TBX20: variants seen among roughly 807,000 people sequenced by gnomAD.
The protein encoded by TBX20 is T-box transcription factor TBX20.
In TBX20, 8 loss-of-function variants were observed where a neutral mutation model predicts 42.9. That is an observed-to-expected ratio of 0.19 (90% CI 0.11 to 0.34). The LOEUF (loss-of-function observed/expected upper bound fraction) is 0.34, where lower values mean the gene tolerates loss of function less well. Ranked by LOEUF, TBX20 falls within the 10% of genes least tolerant of loss-of-function variation. TBX20 has a pLI of 1.00. For missense variants in TBX20, 411 were observed against 566.0 expected, an observed-to-expected ratio of 0.73 and a Z score of 2.78; for synonymous variants, 198 against 222.8, an observed-to-expected ratio of 0.89 and a Z score of 0.99.
intron 4 of TBX20, among the ~76,000 whole-genome samples, chr7:35,242,440 A>G (rs912344798): frequency 3.3e-5 from 5 of 152,224 alleles, no homozygotes; most frequent in Non-Finnish European, 7.3e-5. Context: ...ATTGATCCTC[A>G]GCCAAATACT....
At chr7:35,242,532 T>C (rs1238041515) in intron 4 of TBX20, among the ~76,000 whole-genome samples, 1 of 152,204 alleles carries the variant, frequency 6.6e-6, no homozygotes, top group Non-Finnish European at 1.5e-5. Flanking sequence ...CATCATATAT[T>C]CTACTGGGAA....
At chr7:35,212,444 G>C (rs1789512589) in intron 6 of TBX20, among the ~76,000 whole-genome samples, 1 of 152,058 alleles carries the variant, frequency 6.6e-6, no homozygotes, top group Non-Finnish European at 1.5e-5. Flanking sequence ...TTGCATTCCT[G>C]GTAATCTTTA....
At chr7:35,233,395 T>C (rs1162440490) in intron 5 of TBX20, among the ~76,000 whole-genome samples, 2 of 152,176 alleles carry the variant, frequency 1.3e-5, no homozygotes, top group Admixed American at 6.5e-5. Context: ...TAGAAGAAAA[T>C]AGCTATGCTA....
At chr7:35,210,444 A>G (rs1789477804) in intron 6 of TBX20, among the ~76,000 whole-genome samples, 1 of 152,124 alleles carries the variant, frequency 6.6e-6, no homozygotes, top group African/African-American at 2.4e-5. Flanking sequence ...CTAAACATCA[A>G]TTGGGTCAAG....
chr7:35,220,116 A>G (rs938667353), intron 6 of TBX20, among the ~76,000 whole-genome samples: 1 of 152,188 alleles, frequency 6.6e-6, no homozygotes, highest in African/African-American at 2.4e-5. Flanking sequence ...ACAGGTAAGG[A>G]GTAAGGGCAG....
chr7:35,232,969 G>A (rs1789895828), intron 5 of TBX20, among the ~76,000 whole-genome samples: 1 of 152,326 alleles, frequency 6.6e-6, no homozygotes, highest in Non-Finnish European at 1.5e-5. Flanking sequence ...GCAGTGAGCC[G>A]AGATCGCGCC....
rs756376065 is a variant in TBX20, at chr7:35,253,552, G to A, written c.69C>T (p.Leu23=). The change falls in exon 1 of 8, where the codon CTC becomes CTT. Residue 23 remains leucine (L), a synonymous_variant. Coordinates refer to ENST00000408931, the MANE Select transcript of TBX20 (RefSeq NM_001077653.2). ...SRANAFSIAA[L]MSSGGSKEKE... ...TCTCCTTAGAGCCGCCGCTCGACAT[G>A]AGCGCGGCAATGGAGAAGGCGTTGG... 6.2e-7 allele frequency: 1 copy of A among 1,612,922 alleles called. No homozygotes were observed. Among genetic ancestry groups the A allele is most frequent in the Non-Finnish European group, 8.5e-7 (1 of 1,180,006 alleles).
rs755963486 is a variant in TBX20 at position 35,202,719 on chromosome 7, G to A, written c.1055C>T (p.Ser352Phe). The A allele has an allele frequency of 6.3e-6, 10 of 1,592,872 alleles. No individual in the cohort carries two copies. The highest frequency in any genetic ancestry group is 8.5e-6 in the Non-Finnish European group (10 of 1,169,642). ...DNLSLSSWVS[S>F]SSSFPGFQHP... is the part of the protein sequence containing the mutation. ...CTGAAACCCAGGAAAACTGGAAGAAGATGATACCCAGGAGCTGAGAGACAA... is the reference window on the plus strand; with the variant it reads ...CTGAAACCCAGGAAAACTGGAAGAAAATGATACCCAGGAGCTGAGAGACAA... Residue 352 changes from serine to phenylalanine, a missense_variant, in exon 8 of 8, where the codon TCT (serine) becomes TTT (phenylalanine). Physicochemically the swap from Ser to Phe is radical, Grantham distance 155. This residue lies in a region of TBX20 where 162 missense variants were observed against 205.4 expected (regional missense o/e 0.79). Coordinates refer to ENST00000408931, the MANE Select transcript of TBX20 (RefSeq NM_001077653.2).
At chr7:35,253,466 C>G in intron 1 of TBX20, 28 bp downstream of exon 1, 1 of 1,600,734 alleles carries the variant, frequency 6.2e-7, no homozygotes, top group South Asian at 1.1e-5. Flanking sequence ...CCCCAGTCCT[C>G]GGCGGACAGC....
chr7:35,239,783 G>A (rs764553819), intron 5 of TBX20, among the ~76,000 whole-genome samples: 40 of 151,622 alleles, frequency 2.6e-4, no homozygotes, highest in African/African-American at 8.5e-4. Flanking sequence ...GTGGGGTCTC[G>A]CTTTGTCACC....
chr7:35,223,585 G>C (rs1185700606), intron 6 of TBX20, among the ~76,000 whole-genome samples: 1 of 152,162 alleles, frequency 6.6e-6, no homozygotes, highest in East Asian at 1.9e-4. Flanking sequence ...GGTCTGGGAA[G>C]CCCAGAAAGG....
intron 7 of TBX20, among the ~76,000 whole-genome samples, chr7:35,203,340 T>C (rs1789339365): frequency 6.6e-6 from 1 of 152,080 alleles, no homozygotes; most frequent in Non-Finnish European, 1.5e-5. Context: ...CAATTTACAC[T>C]GAGTAGGCCT....
At chr7:35,243,775 AC>A (rs952265956) in intron 4 of TBX20, among the ~76,000 whole-genome samples, 14 of 152,218 alleles carry the variant, frequency 9.2e-5, no homozygotes, top group African/African-American at 3.1e-4. Flanking sequence ...ACACAAAAAA[AC>A]AGAAGCATAT....
In TBX20 at chr7:35,249,901, G is replaced by A. The variant is rs769256293; in HGVS notation, c.380+50C>T. On this transcript the variant is annotated intron_variant, in intron 2 of 7. Coordinates refer to ENST00000408931, the MANE Select transcript of TBX20 (RefSeq NM_001077653.2). The surrounding 1 kb of genome is among the most constrained non-coding windows in gnomAD (Gnocchi z 4.3). ...CTGGAAGCACCCTCAACTACCCAGG[G>A]AGTGTCCTGACTCTCCACCCCCAAC... 3.2e-6 allele frequency: 5 copies of A among 1,562,876 alleles called. No individual in the cohort carries two copies. The South Asian group carries it at 4.9e-5, about 15-fold the overall frequency.
At chr7:35,235,949 T>C (rs577490824) in intron 5 of TBX20, among the ~76,000 whole-genome samples, 18 of 152,188 alleles carry the variant, frequency 1.2e-4, no homozygotes, top group African/African-American at 3.6e-4. Context: ...AAAATGAAAC[T>C]TGACCTACAC....
At chr7:35,244,915 A>G in intron 4 of TBX20, 34 bp downstream of exon 4, 1 of 1,520,472 alleles carries the variant, frequency 6.6e-7, no homozygotes, top group Non-Finnish European at 9.1e-7. Flanking sequence ...ATTCTACCTC[A>G]GGGAACCTGC....
At chr7:35,225,910 T>A (rs1206065156) in intron 6 of TBX20, among the ~76,000 whole-genome samples, 1 of 152,120 alleles carries the variant, frequency 6.6e-6, no homozygotes, top group Non-Finnish European at 1.5e-5. Flanking sequence ...TTACAATTTA[T>A]GAAAATTACA....
chr7:35,253,399 G>T, intron 1 of TBX20, 95 bp downstream of exon 1: 1 of 1,429,164 alleles, frequency 7.0e-7, no homozygotes, highest in Non-Finnish European at 9.6e-7. Flanking sequence ...CATGGCTTGA[G>T]CATCAGACGT....
intron 6 of TBX20, among the ~76,000 whole-genome samples, chr7:35,228,216 A>G (rs1273485439): frequency 6.6e-6 from 1 of 152,144 alleles, no homozygotes; most frequent in Non-Finnish European, 1.5e-5. Context: ...ACAGCAAAAA[A>G]TCAGAAACCT....
Sources: allele counts gnomAD v4.1 joint callset (sites outside exome capture counted in the v4.1 genomes callset), GRCh38; gene constraint gnomAD v4.1.1; regional missense constraint gnomAD v4.1.1; non-coding constraint Gnocchi (gnomAD v3.1); transcripts MANE v1.5; gene names NCBI Gene and HGNC (gene_info 2026-07-23, HGNC 2026-07-21).